GATAD2B: variants seen among roughly 807,000 people sequenced by gnomAD.
The protein encoded by GATAD2B is GATA zinc finger domain containing 2B.
A neutral mutation model predicts 64.3 loss-of-function variants in GATAD2B; 8 were observed. The observed-to-expected ratio is 0.12, with a 90% CI of 0.07 to 0.22. The LOEUF is 0.22. GATAD2B is among the 10% of genes least tolerant of loss of function. The pLI is 1.00. For missense variants in GATAD2B, 453 were observed against 752.0 expected (o/e 0.60, Z 4.65); for synonymous variants, 281 against 271.3 (o/e 1.04, Z -0.35).
At chr1:153,834,822 G>A (rs1308555394) in intron 1 of GATAD2B, among the ~76,000 whole-genome samples, 1 of 152,012 alleles carries the variant, frequency 6.6e-6, no homozygotes, top group Non-Finnish European at 1.5e-5. Flanking sequence ...ACTACAATTA[G>A]AAGGGAGCCT....
chr1:153,900,954 C>T (rs1049729476), intron 1 of GATAD2B, among the ~76,000 whole-genome samples: 3 of 152,086 alleles, frequency 2.0e-5, no homozygotes, highest in African/African-American at 7.2e-5. Context: ...TGGTTTACAC[C>T]TGTAATCCCA....
chr1:153,825,346 A>T (rs1674835482), intron 2 of GATAD2B, among the ~76,000 whole-genome samples: 1 of 152,184 alleles, frequency 6.6e-6, no homozygotes. Context: ...CCTATAACTT[A>T]CAAGTATTTT....
intron 1 of GATAD2B, among the ~76,000 whole-genome samples, chr1:153,843,517 C>T (rs1373109498): frequency 2.0e-5 from 3 of 152,194 alleles, no homozygotes; most frequent in Middle Eastern, 3.4e-3. Context: ...TCACACGATC[C>T]TCCTGCCTTG....
intron 1 of GATAD2B, among the ~76,000 whole-genome samples, chr1:153,889,342 G>A (rs1313260292): frequency 6.7e-6 from 1 of 148,370 alleles, no homozygotes; most frequent in Non-Finnish European, 1.5e-5. Context: ...AACCCAGGAG[G>A]CGGACGTTCT....
intron 1 of GATAD2B, among the ~76,000 whole-genome samples, chr1:153,893,252 G>A (rs548224620): frequency 3.3e-5 from 5 of 152,106 alleles, no homozygotes; most frequent in South Asian, 2.1e-4. Flanking sequence ...CTGTTGTTAC[G>A]AGGATTTGGT....
At chr1:153,895,048 C>T (rs1677544935) in intron 1 of GATAD2B, among the ~76,000 whole-genome samples, 1 of 152,174 alleles carries the variant, frequency 6.6e-6, no homozygotes, top group African/African-American at 2.4e-5. Flanking sequence ...ATCCCAGCTA[C>T]TTGGGAGGCT....
intron 1 of GATAD2B, among the ~76,000 whole-genome samples, chr1:153,886,168 C>T (rs1383546990): frequency 1.3e-5 from 2 of 152,180 alleles, no homozygotes; most frequent in East Asian, 3.9e-4. Context: ...AATCTTTGTC[C>T]CCATTTTAAC....
At chr1:153,884,605 A>T (rs561357510) in intron 1 of GATAD2B, among the ~76,000 whole-genome samples, 5 of 152,298 alleles carry the variant, frequency 3.3e-5, no homozygotes, top group Admixed American at 2.0e-4. Context: ...TTCATCTCAA[A>T]AACAAAAACA....
Position 153,862,386 on chromosome 1 carries a change from G to A in GATAD2B, c.-1-34038C>T, listed in dbSNP as rs1400640053. Among the ~76,000 whole-genome samples the A allele has an allele frequency of 2.0e-5, 3 of 151,914 alleles. No individual in the cohort carries two copies. The East Asian group carries it at 5.8e-4, about 29-fold the overall frequency. ...GATCCGCCCGCCTCAACCTCCCAAAGTGCCAGGATTACAGGCATGAGCCAT... is the reference window on the plus strand; with the variant it reads ...GATCCGCCCGCCTCAACCTCCCAAAATGCCAGGATTACAGGCATGAGCCAT... On this transcript the variant is annotated intron_variant, in intron 1 of 10. Coordinates refer to ENST00000368655, the MANE Select transcript of GATAD2B (RefSeq NM_020699.4).
intron 1 of GATAD2B, among the ~76,000 whole-genome samples, chr1:153,890,402 C>T (rs1234513322): frequency 3.3e-5 from 5 of 150,492 alleles, no homozygotes; most frequent in Admixed American, 1.3e-4. Context: ...GCAGAAGAAT[C>T]GCATAAACCC....
chr1:153,886,859 G>A (rs35711150), intron 1 of GATAD2B, among the ~76,000 whole-genome samples: 66,292 of 151,630 alleles, frequency 0.44, 15,288 homozygotes, highest in Non-Finnish European at 0.52. Context: ...GCGTCTGGCC[G>A]AAAAATAGCT....
chr1:153,830,778 T>C (rs1675052946), intron 1 of GATAD2B, among the ~76,000 whole-genome samples: 1 of 152,024 alleles, frequency 6.6e-6, no homozygotes, highest in Non-Finnish European at 1.5e-5. Context: ...CCCGGCCTTT[T>C]TATTTTTATT....
chr1:153,843,840 A>C (rs1675585234), intron 1 of GATAD2B, among the ~76,000 whole-genome samples: 1 of 151,634 alleles, frequency 6.6e-6, no homozygotes, highest in African/African-American at 2.4e-5. Flanking sequence ...AAACCCAAAC[A>C]AAAACCATAA....
intron 1 of GATAD2B, among the ~76,000 whole-genome samples, chr1:153,864,575 C>T (rs1676415498): frequency 6.6e-6 from 1 of 151,868 alleles, no homozygotes; most frequent in Non-Finnish European, 1.5e-5. Context: ...TATGATTGTG[C>T]CACTGCAGTC....
At chr1:153,860,496 A>C (rs1676244164) in intron 1 of GATAD2B, among the ~76,000 whole-genome samples, 1 of 151,656 alleles carries the variant, frequency 6.6e-6, no homozygotes. Context: ...CACCTCAACC[A>C]GCTAACTTTA....
intron 1 of GATAD2B, among the ~76,000 whole-genome samples, chr1:153,833,825 A>G (rs868812802): frequency 8.9e-5 from 13 of 145,524 alleles, no homozygotes; most frequent in East Asian, 1.9e-4. Context: ...AAAAAAAAAA[A>G]AAAAAAGAAA....
chr1:153,813,920 G>A (rs896980735), intron 7 of GATAD2B, among the ~76,000 whole-genome samples: 1 of 152,260 alleles, frequency 6.6e-6, no homozygotes, highest in African/African-American at 2.4e-5. Context: ...AGAGGTTGCA[G>A]TGAGCCGAAA....
Position 153,816,465 on chromosome 1 carries a change from T to C in GATAD2B, c.1024A>G (p.Met342Val), listed in dbSNP as rs145863585. The change falls in exon 7 of 11, where the codon ATG becomes GTG. Residue 342 changes from methionine (M) to valine (V), a missense_variant. Physicochemically the swap from Met to Val is conservative, Grantham distance 21. Coordinates refer to ENST00000368655, the MANE Select transcript of GATAD2B (RefSeq NM_020699.4). The surrounding 1 kb of genome is among the most constrained non-coding windows in gnomAD (Gnocchi z 4.9). ...VSSPLPSPSA[M>V]TDAANSQAAA... ...GCCTGTGAGTTGGCAGCATCAGTCATGGCGCTGGGGCTAGGAAGTGGCGAG... is the reference window on the plus strand; with the variant it reads ...GCCTGTGAGTTGGCAGCATCAGTCACGGCGCTGGGGCTAGGAAGTGGCGAG... 8 of 1,614,176 alleles carry C rather than the reference T, an allele frequency of 5.0e-6. No individual in the cohort carries two copies. Among genetic ancestry groups the C allele is most frequent in the African/African-American group, 1.3e-5 (1 of 75,046 alleles).
intron 4 of GATAD2B, 68 bp downstream of exon 4, chr1:153,818,723 G>C (rs990925099): frequency 6.8e-7 from 1 of 1,463,870 alleles, no homozygotes; most frequent in Non-Finnish European, 9.4e-7. Context: ...GAACCTACCT[G>C]GGGGAACCTA....
Sources: gnomAD v4.1 joint callset for allele counts (sites outside exome capture counted in the v4.1 genomes callset) on GRCh38, gnomAD v4.1.1 for gene constraint, Gnocchi (gnomAD v3.1) non-coding constraint, MANE v1.5 for transcripts, NCBI Gene and HGNC (gene_info 2026-07-23, HGNC 2026-07-21) for gene names.